RARA: variants seen among roughly 807,000 people sequenced by gnomAD.
RARA encodes retinoic acid receptor alpha.
Under a neutral mutation model 42.8 loss-of-function variants are expected in RARA, and 5 were observed. The observed-to-expected ratio is 0.12, with a 90% CI of 0.06 to 0.25. The LOEUF is 0.25. Among genes scored for constraint, RARA ranks in the 10% least tolerant of loss-of-function variants. RARA has a pLI of 1.00. For synonymous variants in RARA, 256 were observed against 259.5 expected, an observed-to-expected ratio of 0.99 and a Z score of 0.13; for missense variants, 402 against 628.7, an observed-to-expected ratio of 0.64 and a Z score of 3.86.
rs1377064537 is a variant in RARA, at chr17:40,320,919, C to G, written c.-362-9938C>G. 1.3e-5 allele frequency among the ~76,000 whole-genome samples: 2 copies of G among 152,066 alleles called. No individual in the cohort carries two copies. The highest frequency in any genetic ancestry group is 3.9e-4 in the East Asian group (2 of 5,184). ...TGGGAGTGTGGGAAGCTGGCAGGGC[C>G]CCTGGCAAGATGACCAGTGTTGTCT... On this transcript the variant is annotated intron_variant, in intron 1 of 8. Transcript: ENST00000254066. This position sits in a 1 kb window ranked among gnomAD's most constrained non-coding sequence, Gnocchi z 4.1.
rs554720097 is a variant in RARA, at chr17:40,343,591, C to T, written c.179-4725C>T. On this transcript the variant is annotated intron_variant, in intron 2 of 8. Coordinates refer to ENST00000254066, the MANE Select transcript of RARA (RefSeq NM_000964.4). ...GCTCTGGTGAGAAGAATCCCTCTCC[C>T]CCTAATCCTAATCCGGTTTGTTCTC... Among the ~76,000 whole-genome samples the T allele has an allele frequency of 4.4e-4, 67 of 152,290 alleles. 1 individual carries two copies. Among genetic ancestry groups the T allele is most frequent in the African/African-American group, 1.5e-3 (64 of 41,554 alleles).
chr17:40,323,146 C>G (rs950748160), intron 1 of RARA: 1 of 152,150 alleles, frequency 6.6e-6, no homozygotes, highest in Non-Finnish European at 1.5e-5. Context: ...GCCCCAGATT[C>G]CCCAGGACCC....
At position 40,352,081 on chromosome 17, in the gene RARA, C is replaced by G. The variant is rs770769834; in HGVS notation, c.630+11C>G. On this transcript the variant is annotated intron_variant, in intron 5 of 8. Coordinates refer to ENST00000254066, the MANE Select transcript of RARA (RefSeq NM_000964.4). The surrounding 1 kb of genome is among the most constrained non-coding windows in gnomAD (Gnocchi z 4.9). ...GGCAAATACACTACGGTATGGCTTT[C>G]CCCCGGCCTGCAGGGTGGGATTTGC... is the stretch of plus-strand genomic sequence containing the variant. 5.2e-6 allele frequency: 8 copies of G among 1,551,084 alleles called. No individual in the cohort carries two copies. Among genetic ancestry groups the G allele is most frequent in the Non-Finnish European group, 6.9e-6 (8 of 1,155,692 alleles).
rs1455016119 is a variant in RARA, at chr17:40,324,954, TA to T, written c.-362-5899del. ...CCAGCCCTCCTAGGGAAGCCTCTTT[TA>T]AAATGAGGCTGGGCTGGCCGGGCGT... On this transcript the variant is annotated intron_variant, in intron 1 of 8. Coordinates refer to ENST00000254066, the MANE Select transcript of RARA (RefSeq NM_000964.4). Among the ~76,000 whole-genome samples, 3 of 152,148 alleles carry T rather than the reference TA, an allele frequency of 2.0e-5. No homozygotes were observed. In the East Asian group the frequency reaches 5.8e-4, roughly 29 times the overall value.
chr17:40,327,323 G>C (rs2033574764), intron 1 of RARA, among the ~76,000 whole-genome samples: 1 of 152,238 alleles, frequency 6.6e-6, no homozygotes, highest in Non-Finnish European at 1.5e-5. Context: ...CTGGGCCTCA[G>C]CGTGGGTTAC....
At position 40,355,866 on chromosome 17, in the gene RARA, G is replaced by A. The variant is rs2072049451; in HGVS notation, c.1172-143G>A. The A allele has an allele frequency of 1.2e-6, 1 of 804,732 alleles. No homozygotes were observed. Among genetic ancestry groups the A allele is most frequent in the Non-Finnish European group, 1.9e-6 (1 of 512,984 alleles). 49.8% of individuals were successfully genotyped at this position (804,732 alleles called of 1,614,324 possible). On this transcript the variant is annotated intron_variant, in intron 8 of 8. Coordinates refer to ENST00000254066, the MANE Select transcript of RARA (RefSeq NM_000964.4). The surrounding 1 kb of genome is among the most constrained non-coding windows in gnomAD (Gnocchi z 4.1). Reference sequence around the variant, plus strand: ...CCTCTGGACCTGGGGGCTTAAGAGAGCTGGCTCGTGTCAAAGAACTGAATC... The same window carrying A: ...CCTCTGGACCTGGGGGCTTAAGAGAACTGGCTCGTGTCAAAGAACTGAATC...
At chr17:40,333,909 A>T (rs2033772522) in intron 2 of RARA, among the ~76,000 whole-genome samples, 1 of 152,144 alleles carries the variant, frequency 6.6e-6, no homozygotes, top group South Asian at 2.1e-4. Context: ...AGTGCTGGAG[A>T]TATGGGCATG....
Position 40,351,264 on chromosome 17 carries a change from CGCGTCAGCAG to C in RARA, c.470-645_470-636del. The C allele has an allele frequency of 5.3e-6, 1 of 189,488 alleles. No individual in the cohort carries two copies. The highest frequency in any genetic ancestry group is 7.4e-5 in the South Asian group (1 of 13,476). The allele number at this position is 189,488 out of a possible 1,614,324, so 11.7% of individuals were successfully genotyped here. On this transcript the variant is annotated intron_variant, in intron 4 of 8. Transcript: ENST00000254066. The surrounding 1 kb of genome is among the most constrained non-coding windows in gnomAD (Gnocchi z 4.1). ...CCCCTCCCCCACCCTCCCTTCCTCC[CGCGTCAGCAG>C]CCACCACCACCAGCCCTGTGAGTGA...
intron 2 of RARA, chr17:40,341,908 C>T (rs1435877890): frequency 1.8e-6 from 2 of 1,092,560 alleles, no homozygotes; most frequent in Non-Finnish European, 2.3e-6. Flanking sequence ...CTCGGCGTCC[C>T]TCTGTACTCT....
chr17:40,318,897 C>A (rs2033285575), intron 1 of RARA, among the ~76,000 whole-genome samples: 1 of 152,220 alleles, frequency 6.6e-6, no homozygotes, highest in African/African-American at 2.4e-5. Context: ...GGGGCCCACT[C>A]CCACCAGAGG....
Position 40,352,974 on chromosome 17 carries a change from A to G in RARA, c.807+467A>G, listed in dbSNP as rs2034501900. On this transcript the variant is annotated intron_variant, in intron 6 of 8. Transcript: ENST00000254066. The surrounding 1 kb of genome is among the most constrained non-coding windows in gnomAD (Gnocchi z 4.9). ...GCCAGTGTTCGAGCTGGGTGTCAGG[A>G]ACCCAGCGGTGAATGCACCACCATC... Among the ~76,000 whole-genome samples the G allele has an allele frequency of 6.6e-6, 1 of 152,190 alleles. No individual in the cohort carries two copies. Among genetic ancestry groups the G allele is most frequent in the Non-Finnish European group, 1.5e-5 (1 of 68,042 alleles).
In RARA at chr17:40,331,144, G is replaced by T; in HGVS notation, c.-75G>T. 1.4e-6 allele frequency: 2 copies of T among 1,470,894 alleles called. No homozygotes were observed. The highest frequency in any genetic ancestry group is 2.6e-5 in the South Asian group (2 of 78,182). 91.1% of individuals were successfully genotyped at this position (1,470,894 alleles called of 1,614,324 possible). A position where few individuals can be genotyped will look rare whatever the true frequency, so the allele number is the denominator to read the frequency against. ...CATCTGGGCCCAGGCCCCATGCCCC[G>T]AGGAGGGGTGGTCTGAAGCCCACCA... is the stretch of plus-strand genomic sequence containing the variant. On this transcript the variant is annotated 5_prime_UTR_variant, in exon 2 of 9. Transcript: ENST00000254066.
intron 1 of RARA, among the ~76,000 whole-genome samples, chr17:40,315,928 T>C (rs1427924157): frequency 6.6e-6 from 1 of 152,180 alleles, no homozygotes; most frequent in Non-Finnish European, 1.5e-5. Context: ...TTTCTCTCTC[T>C]GCTAGTTTCC....
At position 40,351,232 on chromosome 17, in the gene RARA, C is replaced by T. The variant is rs1281403115; in HGVS notation, c.470-678C>T. ...AGCTACCCCCACCTCGCTACCCCCT[C>T]CCTGAGCCCCTCCCCCACCCTCCCT... is the stretch of plus-strand genomic sequence containing the variant. On this transcript the variant is annotated intron_variant, in intron 4 of 8. Coordinates refer to ENST00000254066, the MANE Select transcript of RARA (RefSeq NM_000964.4). This position sits in a 1 kb window ranked among gnomAD's most constrained non-coding sequence, Gnocchi z 4.1. 6.6e-6 allele frequency among the ~76,000 whole-genome samples: 1 copy of T among 150,460 alleles called. No homozygotes were observed. The highest frequency in any genetic ancestry group is 1.5e-5 in the Non-Finnish European group (1 of 67,560).
rs2034461604 is a variant in RARA at position 40,351,805 on chromosome 17, GC to G, written c.470-103del. 1 of 1,459,340 alleles carries G rather than the reference GC, an allele frequency of 6.9e-7. No individual in the cohort carries two copies. The highest frequency in any genetic ancestry group is 1.3e-5 in the South Asian group (1 of 78,242). The allele number at this position is 1,459,340 out of a possible 1,614,324, so 90.4% of individuals were successfully genotyped here. ...GCGTGCTGTGTGCGCGTGCTTACAAGCCTGGGTGACCTCCTCAGCAGCTGGC... is the reference window on the plus strand; with the variant it reads ...GCGTGCTGTGTGCGCGTGCTTACAAGCTGGGTGACCTCCTCAGCAGCTGGC... On this transcript the variant is annotated intron_variant, in intron 4 of 8. Transcript: ENST00000254066. This position sits in a 1 kb window ranked among gnomAD's most constrained non-coding sequence, Gnocchi z 4.1.
At chr17:40,333,957 G>A (rs1332849833) in intron 2 of RARA, among the ~76,000 whole-genome samples, 1 of 152,222 alleles carries the variant, frequency 6.6e-6, no homozygotes, top group South Asian at 2.1e-4. Context: ...TTTTTGACGG[G>A]GGAGGAGTTA....
At position 40,341,973 on chromosome 17, in the gene RARA, C is replaced by A. The variant is rs577797985; in HGVS notation, c.179-6343C>A. ...TTCCTGCTTCTCTCCTCTCCTCCCC[C>A]TTCCCAGGCTGCCCCCACTTGCCTG... On this transcript the variant is annotated intron_variant, in intron 2 of 8. Coordinates refer to ENST00000254066, the MANE Select transcript of RARA (RefSeq NM_000964.4). 3.6e-6 allele frequency: 4 copies of A among 1,126,228 alleles called. No homozygotes were observed. In the African/African-American group the frequency reaches 4.8e-5, roughly 14 times the overall value. The allele number at this position is 1,126,228 out of a possible 1,614,324, so 69.8% of individuals were successfully genotyped here. A position where few individuals can be genotyped will look rare whatever the true frequency, so the allele number is the denominator to read the frequency against.
intron 2 of RARA, among the ~76,000 whole-genome samples, chr17:40,332,390 C>T (rs532044156): frequency 1.3e-5 from 2 of 152,318 alleles, no homozygotes; most frequent in African/African-American, 2.4e-5. Flanking sequence ...AGGGACTGCA[C>T]ACCTTGCCCT....
At chr17:40,337,065 G>C (rs1334689088) in intron 2 of RARA, among the ~76,000 whole-genome samples, 1 of 152,234 alleles carries the variant, frequency 6.6e-6, no homozygotes, top group Non-Finnish European at 1.5e-5. Context: ...AGCACCTACT[G>C]TGTGTCAGGG....
Sources: allele counts gnomAD v4.1 joint callset (sites outside exome capture counted in the v4.1 genomes callset), GRCh38; gene constraint gnomAD v4.1.1; non-coding constraint Gnocchi (gnomAD v3.1); transcripts MANE v1.5; gene names NCBI Gene and HGNC (gene_info 2026-07-23, HGNC 2026-07-21).